DOCK1: variants seen among roughly 807,000 people sequenced by gnomAD.
DOCK1 encodes dedicator of cytokinesis protein 1.
Under a neutral mutation model 262.7 loss-of-function variants are expected in DOCK1, and 138 were observed. The observed-to-expected ratio is 0.53, with a 90% CI of 0.46 to 0.61. The LOEUF is 0.61. Ranked by LOEUF, DOCK1 falls within the 20% of genes least tolerant of loss-of-function variation. The pLI is 0.00. For missense variants in DOCK1, 1,908 were observed against 2,370.7 expected, an observed-to-expected ratio of 0.80 and a Z score of 4.05; for synonymous variants, 866 against 867.4, an observed-to-expected ratio of 1.00 and a Z score of 0.03.
At chr10:127,339,998 C>T (rs1469350692) in intron 30 of DOCK1, among the ~76,000 whole-genome samples, 1 of 152,098 alleles carries the variant, frequency 6.6e-6, no homozygotes, top group Non-Finnish European at 1.5e-5. Context: ...GTGATCCAAC[C>T]CCAAAATAAG....
At chr10:127,099,219 A>G (rs1170091973) in intron 23 of DOCK1, among the ~76,000 whole-genome samples, 1 of 152,200 alleles carries the variant, frequency 6.6e-6, no homozygotes, top group Non-Finnish European at 1.5e-5. Context: ...TGAAGTTTGC[A>G]GTCAGTTTGG....
Position 126,939,924 on chromosome 10 carries a change from G to A in DOCK1, c.47-30778G>A, listed in dbSNP as rs926419247. Among the ~76,000 whole-genome samples the A allele has an allele frequency of 3.9e-4, 59 of 152,294 alleles. 1 individual carries two copies. In the South Asian group the frequency reaches 6.6e-3, roughly 17 times the overall value. On this transcript the variant is annotated intron_variant, in intron 1 of 51. Coordinates refer to ENST00000623213, the MANE Select transcript of DOCK1 (RefSeq NM_001290223.2). ...GCTTCCTTTGTCCTTTGAAGGCCAC[G>A]CCTACCTTGTTGCCTGAATAGGAGC...
intron 27 of DOCK1, among the ~76,000 whole-genome samples, chr10:127,227,134 TC>T (rs1564918003): frequency 6.6e-6 from 1 of 152,142 alleles, no homozygotes; most frequent in Admixed American, 6.5e-5. Flanking sequence ...CACCCTTGAC[TC>T]CCACAGCTGA....
rs1026149202 is a variant in DOCK1, at chr10:126,929,014, G to A, written c.46+23451G>A. ...TTTTCACATGTCTCATTTGACGAGG[G>A]CCTCTCTGTCTAGAAAGACTGTAGG... is the stretch of plus-strand genomic sequence containing the variant. On this transcript the variant is annotated intron_variant, in intron 1 of 51. Coordinates refer to ENST00000623213, the MANE Select transcript of DOCK1 (RefSeq NM_001290223.2). Among the ~76,000 whole-genome samples, 4 of 152,328 alleles carry A rather than the reference G, an allele frequency of 2.6e-5. No homozygotes were observed. The East Asian group carries it at 7.7e-4, about 29-fold the overall frequency.
chr10:127,164,589 G>A (rs2053914243), intron 27 of DOCK1, among the ~76,000 whole-genome samples: 1 of 152,182 alleles, frequency 6.6e-6, no homozygotes, highest in Non-Finnish European at 1.5e-5. Flanking sequence ...GAATGCATCA[G>A]TATTTTATAG....
At chr10:126,946,262 C>T (rs2035394853) in intron 1 of DOCK1, among the ~76,000 whole-genome samples, 1 of 152,116 alleles carries the variant, frequency 6.6e-6, no homozygotes, top group African/African-American at 2.4e-5. Flanking sequence ...AAAGCTAATT[C>T]TTGGCCAGAC....
intron 23 of DOCK1, among the ~76,000 whole-genome samples, chr10:127,101,283 A>G (rs1020147254): frequency 6.6e-6 from 1 of 152,120 alleles, no homozygotes; most frequent in African/African-American, 2.4e-5. Flanking sequence ...AGTCAGCCAC[A>G]GGGGAGAGTG....
intron 27 of DOCK1, among the ~76,000 whole-genome samples, chr10:127,186,010 G>A (rs77134740): frequency 1.3e-5 from 2 of 152,134 alleles, no homozygotes; most frequent in Non-Finnish European, 2.9e-5. Context: ...AATAAATTGA[G>A]TTTAATTAAA....
chr10:127,280,190 G>A (rs1057490990), intron 29 of DOCK1, among the ~76,000 whole-genome samples: 5 of 151,020 alleles, frequency 3.3e-5, no homozygotes, highest in South Asian at 2.1e-4. Flanking sequence ...ACCCGCCACC[G>A]CACCCGGCTA....
chr10:127,264,582 A>T (rs1202945827), intron 29 of DOCK1, among the ~76,000 whole-genome samples: 1 of 152,206 alleles, frequency 6.6e-6, no homozygotes, highest in Middle Eastern at 3.2e-3. Context: ...ATAAAGGCAA[A>T]TAAGACGGTT....
intron 29 of DOCK1, among the ~76,000 whole-genome samples, chr10:127,316,808 T>C (rs1363364886): frequency 2.6e-5 from 4 of 152,158 alleles, no homozygotes; most frequent in Admixed American, 2.0e-4. Context: ...TGCAAACACC[T>C]GCTCTGCCCC....
chr10:127,426,080 A>G (rs41307587), intron 47 of DOCK1, 69 bp downstream of exon 47: 99,954 of 1,602,330 alleles, frequency 0.062, 3,304 homozygotes, highest in Non-Finnish European at 0.071. Flanking sequence ...GAACAGGGAC[A>G]AGCTTCCAGA....
rs1301637820 is a variant in DOCK1 at position 127,043,785 on chromosome 10, G to A, written c.2201+621G>A. Among the ~76,000 whole-genome samples the A allele has an allele frequency of 4.6e-5, 7 of 152,212 alleles. No homozygotes were observed. In the East Asian group the frequency reaches 9.6e-4, roughly 21 times the overall value. ...TGGAGTCTGGAGTCAGGCTGCCTGG[G>A]CTTGATGTGCAGCTCTGTCCCTCAC... On this transcript the variant is annotated intron_variant, in intron 21 of 51. Coordinates refer to ENST00000623213, the MANE Select transcript of DOCK1 (RefSeq NM_001290223.2).
At chr10:127,137,262 C>T (rs1252059330) in intron 27 of DOCK1, 1 of 152,624 alleles carries the variant, frequency 6.6e-6, no homozygotes, top group African/African-American at 2.4e-5. Flanking sequence ...CGCTATAGCA[C>T]ATGAAGGCAA....
chr10:126,944,209 G>A (rs913835776), intron 1 of DOCK1, among the ~76,000 whole-genome samples: 3 of 151,860 alleles, frequency 2.0e-5, no homozygotes, highest in East Asian at 2.0e-4. Context: ...GGTTGTAGAC[G>A]AGGGGAGGGA....
Position 127,075,169 on chromosome 10 carries a change from C to CAA in DOCK1, c.2445+13422_2445+13423dup, listed in dbSNP as rs71032536. On this transcript the variant is annotated intron_variant, in intron 23 of 51. Coordinates refer to ENST00000623213, the MANE Select transcript of DOCK1 (RefSeq NM_001290223.2). ...GGGCAACAAGAGCGAAACTCTGTCT[C>CAA]AAAAAAAAAAAAAAAAAAAAAAAAA... 8.5e-3 allele frequency among the ~76,000 whole-genome samples: 545 copies of CAA among 64,314 alleles called. 59 individuals are homozygous for CAA. The highest frequency in any genetic ancestry group is 0.05 in the East Asian group (71 of 1,432). 42.2% of individuals were successfully genotyped at this position (64,314 alleles called of 152,430 possible).
chr10:126,938,124 A>G (rs2034681827), intron 1 of DOCK1, among the ~76,000 whole-genome samples: 3 of 150,312 alleles, frequency 2.0e-5, no homozygotes, highest in African/African-American at 7.4e-5. Context: ...TCAGCTCACC[A>G]CAACCTCTGC....
chr10:127,138,698 A>T (rs1418037421), intron 27 of DOCK1, among the ~76,000 whole-genome samples: 2 of 152,186 alleles, frequency 1.3e-5, no homozygotes, highest in East Asian at 3.9e-4. Flanking sequence ...CAGAAGTAAA[A>T]TTCCATCACT....
Position 127,410,930 on chromosome 10 carries a change from A to C in DOCK1, c.4428+6A>C, listed in dbSNP as rs750193193. 6.2e-7 allele frequency: 1 copy of C among 1,612,048 alleles called. No homozygotes were observed. The highest frequency in any genetic ancestry group is 8.5e-7 in the Non-Finnish European group (1 of 1,179,138). Reference sequence around the variant, plus strand: ...ACCCAGACAATGAATTTGCGGTAAAAAACAAACAAACCACCAAACCAAACA... The same window carrying C: ...ACCCAGACAATGAATTTGCGGTAAACAACAAACAAACCACCAAACCAAACA... On this transcript the variant is annotated splice_donor_region_variant and intron_variant, in intron 43 of 51. Coordinates refer to ENST00000623213, the MANE Select transcript of DOCK1 (RefSeq NM_001290223.2).
Sources: gnomAD v4.1 joint callset for allele counts (sites outside exome capture counted in the v4.1 genomes callset) on GRCh38, gnomAD v4.1.1 for gene constraint, MANE v1.5 for transcripts, NCBI Gene and HGNC (gene_info 2026-07-23, HGNC 2026-07-21) for gene names.